ZNF804B: variants seen among roughly 807,000 people sequenced by gnomAD.
The protein encoded by ZNF804B is zinc finger 804B.
A neutral mutation model predicts 101.4 loss-of-function variants in ZNF804B; 80 were observed. The observed-to-expected ratio is 0.79, with a 90% CI of 0.66 to 0.95. ZNF804B has a LOEUF of 0.95. Among genes scored for constraint, ZNF804B ranks in the 40% least tolerant of loss-of-function variants. ZNF804B has a pLI of 0.00. For synonymous variants in ZNF804B, 622 were observed against 558.8 expected (o/e 1.11, Z -1.59); for missense variants, 1,673 against 1,561.9 (o/e 1.07, Z -1.20).
At chr7:88,904,971 C>CT (rs1441968987) in intron 1 of ZNF804B, among the ~76,000 whole-genome samples, 1 of 152,194 alleles carries the variant, frequency 6.6e-6, no homozygotes, top group African/African-American at 2.4e-5. Flanking sequence ...CTGGCAAGGA[C>CT]TTGCAGTCCT....
intron 1 of ZNF804B, among the ~76,000 whole-genome samples, chr7:88,760,793 T>A (rs547863418): frequency 6.6e-6 from 1 of 150,768 alleles, no homozygotes; most frequent in African/African-American, 2.4e-5. Context: ...TTAAATACAT[T>A]ATTAATTCAT....
chr7:88,955,098 TAAAAA>T (rs71686935), intron 1 of ZNF804B, among the ~76,000 whole-genome samples: 1 of 142,136 alleles, frequency 7.0e-6, no homozygotes, highest in Non-Finnish European at 1.5e-5. Context: ...TGTCTCTATT[TAAAAA>T]AAAAAAAAAG....
At chr7:88,947,372 G>A (rs1463323337) in intron 1 of ZNF804B, among the ~76,000 whole-genome samples, 1 of 151,962 alleles carries the variant, frequency 6.6e-6, no homozygotes, top group Non-Finnish European at 1.5e-5. Context: ...GCAGGGACAT[G>A]GATGAAGCTG....
chr7:88,832,498 A>C (rs1791147620), intron 1 of ZNF804B, among the ~76,000 whole-genome samples: 1 of 151,942 alleles, frequency 6.6e-6, no homozygotes, highest in Non-Finnish European at 1.5e-5. Flanking sequence ...TGCACAACAC[A>C]GTCTCCTTCT....
intron 1 of ZNF804B, among the ~76,000 whole-genome samples, chr7:88,954,771 G>C (rs1165967531): frequency 6.6e-6 from 1 of 151,704 alleles, no homozygotes; most frequent in Non-Finnish European, 1.5e-5. Flanking sequence ...TTTAAGAAAA[G>C]TTAATGGGTG....
chr7:89,335,029 A>G lies in ZNF804B; in HGVS notation c.2047A>G (p.Ser683Gly), dbSNP rs142825887. The change falls in exon 4 of 4, where the codon AGC becomes GGC. Residue 683 changes from serine to glycine, a missense_variant. Coordinates refer to ENST00000333190, the MANE Select transcript of ZNF804B (RefSeq NM_181646.5). ...TGTAATTTTGAAGAGTAACCACATC[A>G]GCATGACCAGCAAGGTTTCCGGATG... ...FSVILKSNHISMTSKVSGCGN... is the reference protein window; with the variant it reads ...FSVILKSNHIGMTSKVSGCGN... The G allele has an allele frequency of 1.5e-5, 25 of 1,613,888 alleles. No homozygotes were observed. The African/African-American group carries it at 3.1e-4, about 20-fold the overall frequency.
At chr7:89,304,827 G>A (rs916131865) in intron 2 of ZNF804B, among the ~76,000 whole-genome samples, 2 of 151,834 alleles carry the variant, frequency 1.3e-5, no homozygotes, top group Non-Finnish European at 1.5e-5. Context: ...AGTAGCATTT[G>A]GCAAAAGACG....
Position 89,333,589 on chromosome 7 carries a change from GTAC to G in ZNF804B, c.609_611del (p.Leu204del). ...CAGGCGTTGTTTGTTTGGAAATCAG[GTAC>G]TGCAAACATCTTCAGATCTCAGCAA... On this transcript the variant is annotated inframe_deletion, in exon 4 of 4. Coordinates refer to ENST00000333190, the MANE Select transcript of ZNF804B (RefSeq NM_181646.5). 1.2e-6 allele frequency: 2 copies of G among 1,613,504 alleles called. No homozygotes were observed. Among genetic ancestry groups the G allele is most frequent in the Non-Finnish European group, 1.7e-6 (2 of 1,179,698 alleles).
chr7:89,292,082 TC>T (rs748406244), intron 2 of ZNF804B, among the ~76,000 whole-genome samples: 4 of 152,222 alleles, frequency 2.6e-5, no homozygotes, highest in Non-Finnish European at 4.4e-5. Context: ...ATAAGGACTT[TC>T]CCAGACAAAC....
At chr7:89,072,547 C>A (rs1471893621) in intron 1 of ZNF804B, among the ~76,000 whole-genome samples, 1 of 152,062 alleles carries the variant, frequency 6.6e-6, no homozygotes, top group Non-Finnish European at 1.5e-5. Flanking sequence ...GGGCTACTGC[C>A]TCAGAGGGAC....
intron 1 of ZNF804B, among the ~76,000 whole-genome samples, chr7:89,112,323 A>C (rs1453584604): frequency 6.6e-6 from 1 of 152,074 alleles, no homozygotes; most frequent in Non-Finnish European, 1.5e-5. Context: ...GGCTAGGTTC[A>C]TTTTCTTGCA....
chr7:89,116,360 A>G (rs543832161), intron 1 of ZNF804B, among the ~76,000 whole-genome samples: 228 of 152,330 alleles, frequency 1.5e-3, no homozygotes, highest in Middle Eastern at 3.4e-3. Flanking sequence ...CTTAGAAAAT[A>G]CAAGGTTGTT....
chr7:89,178,896 CTTT>C (rs1788248595), intron 1 of ZNF804B, among the ~76,000 whole-genome samples: 1 of 152,054 alleles, frequency 6.6e-6, no homozygotes, highest in Admixed American at 6.5e-5. Context: ...CTGGGAAAGT[CTTT>C]ATCTCTCCTT....
intron 1 of ZNF804B, among the ~76,000 whole-genome samples, chr7:89,167,302 G>A (rs1377960089): frequency 2.0e-5 from 3 of 151,840 alleles, no homozygotes; most frequent in East Asian, 3.9e-4. Flanking sequence ...AATTAGCCGG[G>A]CGTGGTGGCA....
intron 2 of ZNF804B, among the ~76,000 whole-genome samples, chr7:89,305,187 T>C (rs1790542471): frequency 1.3e-5 from 2 of 152,014 alleles, no homozygotes; most frequent in Non-Finnish European, 2.9e-5. Flanking sequence ...CATAGTACTT[T>C]GAAGTCATCC....
intron 3 of ZNF804B, among the ~76,000 whole-genome samples, chr7:89,329,068 TC>T (rs1259564976): frequency 6.6e-6 from 1 of 151,698 alleles, no homozygotes; most frequent in Non-Finnish European, 1.5e-5. Flanking sequence ...TAAGTTTCTT[TC>T]AAATAAAAAG....
chr7:89,129,104 T>C (rs1790510487), intron 1 of ZNF804B, among the ~76,000 whole-genome samples: 1 of 151,994 alleles, frequency 6.6e-6, no homozygotes, highest in Non-Finnish European at 1.5e-5. Context: ...CTGCTAAAGT[T>C]TGATAACCTG....
chr7:89,060,207 A>G (rs562951573), intron 1 of ZNF804B, among the ~76,000 whole-genome samples: 2 of 152,240 alleles, frequency 1.3e-5, no homozygotes, highest in South Asian at 4.1e-4. Context: ...AATTCTGCTA[A>G]TAAGTCCACT....
chr7:89,308,872 G>A (rs1414943849), intron 2 of ZNF804B, among the ~76,000 whole-genome samples: 1 of 152,206 alleles, frequency 6.6e-6, no homozygotes, highest in Non-Finnish European at 1.5e-5. Context: ...AAAGGAGGCT[G>A]AAGGCCAGAT....
Sources: allele counts gnomAD v4.1 joint callset (sites outside exome capture counted in the v4.1 genomes callset), GRCh38; gene constraint gnomAD v4.1.1; transcripts MANE v1.5; gene names NCBI Gene and HGNC (gene_info 2026-07-23, HGNC 2026-07-21).